PJA2: variants seen among roughly 807,000 people sequenced by gnomAD.
PJA2 encodes E3 ubiquitin-protein ligase Praja-2.
PJA2 carries 25 observed loss-of-function variants against 69.3 expected under a neutral mutation model. The ratio of observed to expected loss-of-function variants is 0.36; its 90% CI spans 0.26 to 0.50. The LOEUF (loss-of-function observed/expected upper bound fraction) is 0.50. PJA2 is among the 20% of genes least tolerant of loss of function. The probability of loss-of-function intolerance (pLI) is 0.96; values close to 1 mark genes in which losing one functional copy is unlikely to be tolerated. For missense variants in PJA2, 809 were observed against 830.2 expected, an observed-to-expected ratio of 0.97 and a Z score of 0.31; for synonymous variants, 308 against 277.8, an observed-to-expected ratio of 1.11 and a Z score of -1.08.
chr5:109,384,207 T>C (rs1015371474), intron 1 of PJA2, among the ~76,000 whole-genome samples: 3 of 152,210 alleles, frequency 2.0e-5, no homozygotes, highest in African/African-American at 7.2e-5. Flanking sequence ...GCAGTAAAGT[T>C]CCTTTAGCCC....
rs368285370 is a variant in PJA2 at position 109,373,202 on chromosome 5, A to G, written c.1284-4456T>C. Reference sequence around the variant, plus strand: ...TATGGAAAACTTTTTCTTAAAATTCAGCAGTAGAAAAGAAAACACAAACAG... The same window carrying G: ...TATGGAAAACTTTTTCTTAAAATTCGGCAGTAGAAAAGAAAACACAAACAG... On this transcript the variant is annotated intron_variant, in intron 4 of 9. Coordinates refer to ENST00000361189, the MANE Select transcript of PJA2 (RefSeq NM_014819.5). Among the ~76,000 whole-genome samples, 4 of 152,254 alleles carry G rather than the reference A, an allele frequency of 2.6e-5. No individual in the cohort carries two copies. The East Asian group carries it at 7.7e-4, about 29-fold the overall frequency.
chr5:109,381,613 G>C lies in PJA2; in HGVS notation c.122C>G (p.Ala41Gly). 1 of 1,613,986 alleles carries C rather than the reference G, an allele frequency of 6.2e-7. No individual in the cohort carries two copies. Among genetic ancestry groups the C allele is most frequent in the African/African-American group, 1.3e-5 (1 of 75,008 alleles). ...ITGRRYGRRH[A>G]YVSFKPCMTR... Reference sequence around the variant, plus strand: ...CATACATGGTTTAAAACTGACATAAGCATGTCTTCTTCCATATCTCCTGCC... The same window carrying C: ...CATACATGGTTTAAAACTGACATAACCATGTCTTCTTCCATATCTCCTGCC... The change falls in exon 3 of 10, where the codon GCT becomes GGT. Residue 41 changes from alanine (A) to glycine (G), a missense_variant. By Grantham distance (60) the Ala-to-Gly change is moderately conservative. Transcript: ENST00000361189.
Position 109,378,602 on chromosome 5 carries a change from A to G in PJA2, c.885T>C (p.Ser295=). The part of the protein sequence containing the change: ...DAACGPGHIC[S]EQNTNDREKN... ...TTTCCCTATCATTGGTATTTTGTTC[A>G]CTACAAATATGCCCTGGACCACAGG... Residue 295 remains serine (S), a synonymous_variant, in exon 4 of 10, where the codon AGT becomes AGC. Coordinates refer to ENST00000361189, the MANE Select transcript of PJA2 (RefSeq NM_014819.5). The G allele has an allele frequency of 6.2e-7, 1 of 1,614,138 alleles. No homozygotes were observed.
At chr5:109,344,100 C>CAAAAAA (rs916556182) in intron 9 of PJA2, 90 bp downstream of exon 9, 4 of 398,612 alleles carry the variant, frequency 1.0e-5, no homozygotes, top group African/African-American at 8.1e-5. Context: ...TTTGTCTCAC[C>CAAAAAA]AAAAAAAAAA....
chr5:109,356,106 C>A, intron 6 of PJA2, 80 bp from the exon 7 acceptor site: 2 of 868,726 alleles, frequency 2.3e-6, no homozygotes, highest in Non-Finnish European at 3.6e-6. Flanking sequence ...ATTATATTAG[C>A]ATACTGACAA....
rs1327035021 is a variant in PJA2 at position 109,378,330 on chromosome 5, T to C, written c.1157A>G (p.Gln386Arg). 2 of 1,614,184 alleles carry C rather than the reference T, an allele frequency of 1.2e-6. No individual in the cohort carries two copies. The highest frequency in any genetic ancestry group is 1.7e-5 in the Admixed American group (1 of 60,028). The change falls in exon 4 of 10, where the codon CAA becomes CGA. Residue 386 changes from glutamine (Q) to arginine (R), a missense_variant. By Grantham distance (43) the Gln-to-Arg change is conservative. Coordinates refer to ENST00000361189, the MANE Select transcript of PJA2 (RefSeq NM_014819.5). The part of the protein sequence containing the change: ...LDPPYSRVIT[Q>R]RETENNQMTS... ...CATTTGGTTATTTTCTGTTTCCCTT[T>C]GTGTAATAACTCTTGAGTATGGTGG...
chr5:109,350,609 G>A (rs1314092974), intron 7 of PJA2, among the ~76,000 whole-genome samples: 1 of 152,064 alleles, frequency 6.6e-6, no homozygotes, highest in African/African-American at 2.4e-5. Context: ...AATACAACCA[G>A]GTATTTTGCT....
At chr5:109,388,385 C>A (rs146766084) in intron 1 of PJA2, among the ~76,000 whole-genome samples, 361 of 152,286 alleles carry the variant, frequency 2.4e-3, no homozygotes, top group African/African-American at 8.0e-3. Flanking sequence ...GAGACTTGAA[C>A]CAAAATCAGC....
At chr5:109,404,694 C>G (rs1747641552) in intron 1 of PJA2, among the ~76,000 whole-genome samples, 1 of 152,012 alleles carries the variant, frequency 6.6e-6, no homozygotes, top group African/African-American at 2.4e-5. Flanking sequence ...TCTGGGACCT[C>G]TTTTATAAGC....
intron 4 of PJA2, among the ~76,000 whole-genome samples, chr5:109,374,709 T>A (rs1332292172): frequency 6.6e-6 from 1 of 152,234 alleles, no homozygotes; most frequent in Non-Finnish European, 1.5e-5. Flanking sequence ...GTAAGGTTTT[T>A]AAATTTTAAG....
rs941357493 is a variant in PJA2, at chr5:109,343,413, C to T, written c.2001+777G>A. On this transcript the variant is annotated intron_variant, in intron 9 of 9. Transcript: ENST00000361189. ...AATATTTGAAGACAATATATAAAAA[C>T]TGGAATAGGAGCTACTTGGTAGGTT... Among the ~76,000 whole-genome samples, 3 of 105,312 alleles carry T rather than the reference C, an allele frequency of 2.8e-5. No homozygotes were observed. The Admixed American group carries it at 2.9e-4, about 10-fold the overall frequency. 69.1% of individuals were successfully genotyped at this position (105,312 alleles called of 152,430 possible). A position where few individuals can be genotyped will look rare whatever the true frequency, so the allele number is the denominator to read the frequency against.
rs1302762974 is a variant in PJA2 at position 109,354,574 on chromosome 5, CT to C, written c.1764+1340del. On this transcript the variant is annotated intron_variant, in intron 7 of 9. Transcript: ENST00000361189. ...TATCGATATTAGATATCTATAATAT[CT>C]ATAGATATCTATATCGATATTACAT... is the stretch of plus-strand genomic sequence containing the variant. 5.4e-4 allele frequency among the ~76,000 whole-genome samples: 34 copies of C among 62,602 alleles called. 1 individual carries two copies. Among genetic ancestry groups the C allele is most frequent in the African/African-American group, 2.3e-3 (33 of 14,298 alleles). The allele number at this position is 62,602 out of a possible 152,430, so 41.1% of individuals were successfully genotyped here.
chr5:109,352,149 A>C (rs1321891910), intron 7 of PJA2, among the ~76,000 whole-genome samples: 2 of 152,196 alleles, frequency 1.3e-5, no homozygotes, highest in African/African-American at 2.4e-5. Flanking sequence ...CTATTGGTAG[A>C]AGCCAACAAT....
intron 1 of PJA2, among the ~76,000 whole-genome samples, chr5:109,400,845 T>C (rs1191797598): frequency 1.3e-5 from 2 of 151,812 alleles, no homozygotes; most frequent in East Asian, 1.9e-4. Flanking sequence ...TAGCCAGGCA[T>C]GGTTGCGGGT....
chr5:109,335,670 A>G lies in PJA2; in HGVS notation c.*1561T>C, dbSNP rs1045934538. The G allele has an allele frequency of 2.0e-5, 3 of 152,358 alleles. No homozygotes were observed. The highest frequency in any genetic ancestry group is 7.2e-5 in the African/African-American group (3 of 41,456). 9.4% of individuals were successfully genotyped at this position (152,358 alleles called of 1,614,324 possible). A position where few individuals can be genotyped will look rare whatever the true frequency, so the allele number is the denominator to read the frequency against. Reference sequence around the variant, plus strand: ...TTGACACTAACTGATCATTAATGAAATATGATATGGAAAGATCACAGAGTA... The same window carrying G: ...TTGACACTAACTGATCATTAATGAAGTATGATATGGAAAGATCACAGAGTA... On this transcript the variant is annotated 3_prime_UTR_variant, in exon 10 of 10. Transcript: ENST00000361189.
At chr5:109,383,168 G>A (rs557558885) in intron 2 of PJA2, among the ~76,000 whole-genome samples, 8 of 152,272 alleles carry the variant, frequency 5.3e-5, no homozygotes, top group Admixed American at 3.9e-4. Context: ...AATAGTCTCC[G>A]AAGTGGAAAG....
chr5:109,355,627 T>C (rs1195786632), intron 7 of PJA2, among the ~76,000 whole-genome samples: 3 of 152,218 alleles, frequency 2.0e-5, no homozygotes, highest in Admixed American at 6.6e-5. Context: ...AGATATTCAC[T>C]CTCATACTTG....
chr5:109,368,122 C>G (rs1021723464), intron 5 of PJA2, among the ~76,000 whole-genome samples: 5 of 152,180 alleles, frequency 3.3e-5, no homozygotes, highest in Non-Finnish European at 7.3e-5. Flanking sequence ...AAATGTTTAT[C>G]ATCAATCACT....
intron 7 of PJA2, among the ~76,000 whole-genome samples, chr5:109,354,390 C>A (rs62643556): frequency 0.67 from 49,648 of 73,912 alleles, 18,433 homozygotes; most frequent in African/African-American, 0.73. Flanking sequence ...TTAGATATCT[C>A]TGATATCTAG....
Sources: allele counts gnomAD v4.1 joint callset (sites outside exome capture counted in the v4.1 genomes callset), GRCh38; gene constraint gnomAD v4.1.1; transcripts MANE v1.5; gene names NCBI Gene and HGNC (gene_info 2026-07-23, HGNC 2026-07-21).